The following LRCH1 variants were observed in gnomAD, a reference collection of about 807,000 sequenced individuals.
LRCH1 encodes leucine rich repeats and calponin homology domain containing 1, also known as leucine-rich repeat and calponin homology domain-containing protein 1.
LRCH1 carries 23 observed loss-of-function variants against 94.9 expected under a neutral mutation model. The observed-to-expected ratio is 0.24, with a 90% CI of 0.17 to 0.34. The LOEUF (loss-of-function observed/expected upper bound fraction) is 0.34. Ranked by LOEUF, LRCH1 falls within the 10% of genes least tolerant of loss-of-function variation. The probability of loss-of-function intolerance (pLI) is 1.00; values close to 1 mark genes in which losing one functional copy is unlikely to be tolerated. For missense variants in LRCH1, 790 were observed against 945.9 expected, an observed-to-expected ratio of 0.84 and a Z score of 2.16; for synonymous variants, 364 against 354.9, an observed-to-expected ratio of 1.03 and a Z score of -0.29.
rs998135076 is a variant in LRCH1, at chr13:46,723,717, T to C, written c.1869+387T>C. 3.9e-5 allele frequency among the ~76,000 whole-genome samples: 6 copies of C among 152,082 alleles called. No individual in the cohort carries two copies. The South Asian group carries it at 1.3e-3, about 32-fold the overall frequency. On this transcript the variant is annotated intron_variant, in intron 17 of 19. Coordinates refer to ENST00000389797, the MANE Select transcript of LRCH1 (RefSeq NM_001164211.2). ...CGGGAGGCTGAGGTGGGAGGATCAG[T>C]TGAGCCCAGGAATGCGAGGCTGCAG...
At chr13:46,748,890 G>T (rs1198349313), downstream of LRCH1, among the ~76,000 whole-genome samples, 1 of 152,220 alleles carries the variant, frequency 6.6e-6, no homozygotes, top group Non-Finnish European at 1.5e-5. Context: ...AGGTAGGGAA[G>T]GGTGAAAAGC....
intron 1 of LRCH1, among the ~76,000 whole-genome samples, chr13:46,594,113 C>T (rs139164237): frequency 1.6e-4 from 24 of 152,166 alleles, no homozygotes; most frequent in African/African-American, 4.8e-4. Flanking sequence ...AACAGAGAGC[C>T]AGGGAGTGAC....
intron 15 of LRCH1, 132 bp downstream of exon 15, chr13:46,712,729 A>G (rs1196236542): frequency 5.3e-6 from 4 of 756,020 alleles, no homozygotes; most frequent in Non-Finnish European, 8.9e-6. Context: ...ATCTACAGCT[A>G]GGGGAGGCCA....
At chr13:46,736,154 G>GTGTGTGTGTT (rs1427759338) in intron 19 of LRCH1, among the ~76,000 whole-genome samples, 4 of 151,244 alleles carry the variant, frequency 2.6e-5, no homozygotes, top group Non-Finnish European at 5.9e-5. Context: ...GTGTGTGTGT[G>GTGTGTGTGTT]TACACATATA....
At chr13:46,560,506 A>G (rs531981943) in intron 1 of LRCH1, among the ~76,000 whole-genome samples, 7 of 152,300 alleles carry the variant, frequency 4.6e-5, no homozygotes, top group Non-Finnish European at 8.8e-5. Flanking sequence ...TTTGGTGTTA[A>G]TTGCAGTGAT....
intron 11 of LRCH1, among the ~76,000 whole-genome samples, chr13:46,703,220 G>C (rs777858389): frequency 8.3e-4 from 127 of 152,176 alleles, no homozygotes; most frequent in Non-Finnish European, 1.6e-3. Context: ...GTGCACCCGT[G>C]TACATGTATT....
At chr13:46,597,110 A>G (rs776843678) in intron 1 of LRCH1, among the ~76,000 whole-genome samples, 12 of 152,202 alleles carry the variant, frequency 7.9e-5, no homozygotes, top group Non-Finnish European at 1.2e-4. Flanking sequence ...TCCATCCGTG[A>G]GGACTCTTTG....
At chr13:46,642,349 C>A (rs2051168646) in intron 1 of LRCH1, among the ~76,000 whole-genome samples, 1 of 152,190 alleles carries the variant, frequency 6.6e-6, no homozygotes. Flanking sequence ...ACTTTGGTGT[C>A]ATACAAACCT....
At chr13:46,586,645 T>C (rs2050438698) in intron 1 of LRCH1, among the ~76,000 whole-genome samples, 1 of 152,200 alleles carries the variant, frequency 6.6e-6, no homozygotes, top group African/African-American at 2.4e-5. Flanking sequence ...CTCAAACTCC[T>C]GAGCTCAAAG....
intron 2 of LRCH1, among the ~76,000 whole-genome samples, chr13:46,654,810 AG>A (rs943655709): frequency 2.0e-5 from 3 of 152,232 alleles, no homozygotes; most frequent in Admixed American, 6.5e-5. Context: ...TCTTTTCTGT[AG>A]CACTTAGAAA....
chr13:46,634,645 C>G (rs1369035130), intron 1 of LRCH1, among the ~76,000 whole-genome samples: 1 of 152,230 alleles, frequency 6.6e-6, no homozygotes, highest in Non-Finnish European at 1.5e-5. Context: ...TGAGATATAA[C>G]TATGCTGCTA....
At chr13:46,630,466 C>A (rs2051005033) in intron 1 of LRCH1, among the ~76,000 whole-genome samples, 2 of 152,208 alleles carry the variant, frequency 1.3e-5, no homozygotes, top group Non-Finnish European at 2.9e-5. Flanking sequence ...AAATCAGGGT[C>A]ATCTGAATCT....
chr13:46,684,425 T>C (rs7988544), intron 4 of LRCH1, among the ~76,000 whole-genome samples: 86,294 of 152,004 alleles, frequency 0.57, 25,052 homozygotes, highest in African/African-American at 0.67. Context: ...ACCTGTAAGT[T>C]TTCTCCTGCT....
intron 1 of LRCH1, among the ~76,000 whole-genome samples, chr13:46,571,901 CGGGA>C (rs1206426906): frequency 7.1e-6 from 1 of 140,500 alleles, no homozygotes. Flanking sequence ...AGAGAAAGAG[CGGGA>C]GGGAGGGAGG....
chr13:46,586,010 T>G (rs1169060443), intron 1 of LRCH1, among the ~76,000 whole-genome samples: 1 of 152,236 alleles, frequency 6.6e-6, no homozygotes, highest in Non-Finnish European at 1.5e-5. Flanking sequence ...AAAATGCACA[T>G]TAAAATTGGT....
Position 46,681,841 on chromosome 13 carries a change from C to T in LRCH1, c.680C>T (p.Pro227Leu), listed in dbSNP as rs1390383366. The T allele has an allele frequency of 3.8e-6, 6 of 1,592,918 alleles. No individual in the cohort carries two copies. The highest frequency in any genetic ancestry group is 1.1e-5 in the South Asian group (1 of 90,498). ...AGAAGAAATTACCTTAAAGTTTTAC[C>T]ACAAGGTAAAAAAGAAAGAGGGAAA... Reference protein sequence around the residue: ...NVRRNYLKVLPQELVDLSLVK... With the variant: ...NVRRNYLKVLLQELVDLSLVK... Residue 227 changes from proline to leucine, a missense_variant, in exon 4 of 20, where the codon CCA (proline) becomes CTA (leucine). Around this residue, in one of 3 missense-constraint regions of LRCH1, gnomAD observed 194 missense variants for 293.5 expected, o/e 0.66. Transcript: ENST00000389797.
intron 1 of LRCH1, among the ~76,000 whole-genome samples, chr13:46,583,781 G>A (rs1052453651): frequency 3.0e-4 from 44 of 145,128 alleles, no homozygotes; most frequent in Admixed American, 3.5e-4. Context: ...TTTTTTTTGA[G>A]ACAGTGTGTC....
intron 1 of LRCH1, among the ~76,000 whole-genome samples, chr13:46,573,857 TATATATA>T (rs1178856592): frequency 6.5e-5 from 5 of 76,656 alleles, no homozygotes; most frequent in Admixed American, 3.0e-4. Context: ...TATATATATA[TATATATA>T]TATTTTTTTT....
intron 1 of LRCH1, among the ~76,000 whole-genome samples, chr13:46,601,698 G>A (rs773150135): frequency 5.9e-5 from 9 of 152,188 alleles, no homozygotes; most frequent in Non-Finnish European, 1.3e-4. Flanking sequence ...GTGGCCTGCT[G>A]CCCAATCACC....
Sources: allele counts gnomAD v4.1 joint callset (sites outside exome capture counted in the v4.1 genomes callset), GRCh38; gene constraint gnomAD v4.1.1; regional missense constraint gnomAD v4.1.1; transcripts MANE v1.5; gene names NCBI Gene and HGNC (gene_info 2026-07-23, HGNC 2026-07-21).